NAV1: variants seen among roughly 807,000 people sequenced by gnomAD.
NAV1 encodes neuron navigator 1.
In NAV1, 18 loss-of-function variants were observed where a neutral mutation model predicts 175.2. That is an observed-to-expected ratio of 0.10 (90% CI 0.07 to 0.15). NAV1 has a LOEUF of 0.15. NAV1 is among the 10% of genes least tolerant of loss of function. The pLI, the probability that NAV1 is intolerant of heterozygous loss-of-function variation, is 1.00. For synonymous variants in NAV1, 897 were observed against 978.7 expected, an observed-to-expected ratio of 0.92 and a Z score of 1.56; for missense variants, 1,731 against 2,436.6, an observed-to-expected ratio of 0.71 and a Z score of 6.10.
At chr1:201,604,724 G>A (rs4915239) in intron 2 of NAV1, among the ~76,000 whole-genome samples, 76 of 144,198 alleles carry the variant, frequency 5.3e-4, no homozygotes, top group African/African-American at 1.9e-3. Flanking sequence ...AGGAAAGAAA[G>A]AGAAAGAAAG....
At chr1:201,634,895 A>T (rs955006788) in intron 2 of NAV1, among the ~76,000 whole-genome samples, 3 of 152,142 alleles carry the variant, frequency 2.0e-5, no homozygotes, top group Non-Finnish European at 4.4e-5. Flanking sequence ...TGCTCTCCAG[A>T]TCCTGATTGT....
rs550245699 is a variant in NAV1 at position 201,625,276 on chromosome 1, G to A, written c.-101+1670G>A. ...CAAATATTTGAAGGGCTGTCATGTT[G>A]TAAGATGAATTAGATTTACTTGGTG... On this transcript the variant is annotated intron_variant, in intron 1 of 29. Transcript: ENST00000367302. Among the ~76,000 whole-genome samples, 7 of 152,344 alleles carry A rather than the reference G, an allele frequency of 4.6e-5. 1 individual carries two copies. Among genetic ancestry groups the A allele is most frequent in the African/African-American group, 1.7e-4 (7 of 41,576 alleles).
chr1:201,783,902 C>T (rs1040473230), intron 7 of NAV1, 50 bp downstream of exon 11: 3 of 1,515,252 alleles, frequency 2.0e-6, no homozygotes, highest in Non-Finnish European at 1.8e-6. Context: ...GTCTTGGGCT[C>T]ATTTTGCCAT....
At chr1:201,697,885 C>T (rs1671255192) in intron 1 of NAV1, among the ~76,000 whole-genome samples, 2 of 152,208 alleles carry the variant, frequency 1.3e-5, no homozygotes, top group Admixed American at 1.3e-4. Context: ...CAGGTCTCTG[C>T]CCTTCAGGAG....
chr1:201,792,129 G>A (rs78774107), intron 13 of NAV1: 2 of 151,994 alleles, frequency 1.3e-5, no homozygotes, highest in Non-Finnish European at 2.9e-5. Context: ...ATTTGGCTAA[G>A]AGAGAACAAA....
intron 15 of NAV1, among the ~76,000 whole-genome samples, chr1:201,799,727 G>T (rs2102774946): frequency 6.6e-6 from 1 of 152,126 alleles, no homozygotes; most frequent in African/African-American, 2.4e-5. Flanking sequence ...GTTCATGGTG[G>T]CAGATGCCTG....
At chr1:201,721,882 G>T (rs757893413) in intron 3 of NAV1, among the ~76,000 whole-genome samples, 1 of 152,158 alleles carries the variant, frequency 6.6e-6, no homozygotes, top group East Asian at 1.9e-4. Flanking sequence ...TCCCTTTGAC[G>T]GCTCTTCCCA....
chr1:201,666,249 A>G (rs1440335500), intron 1 of NAV1, among the ~76,000 whole-genome samples: 4 of 152,164 alleles, frequency 2.6e-5, no homozygotes, highest in African/African-American at 4.8e-5. Flanking sequence ...CTTGGCTCCC[A>G]TATGTTCAGG....
chr1:201,781,273 A>T (rs1328466283), exon 5 of NAV1: 1 of 1,613,702 alleles, frequency 6.2e-7, no homozygotes, highest in Admixed American at 1.7e-5. Flanking sequence ...AACTTCCCCC[A>T]TCACTCACAC....
intron 3 of NAV1, among the ~76,000 whole-genome samples, chr1:201,772,988 A>G (rs646644): frequency 1 from 150,381 of 150,660 alleles, 75,051 homozygotes; most frequent in Middle Eastern, 1. Context: ...AGCCGAGATC[A>G]TGCCACTGTA....
At chr1:201,773,881 C>G (rs1675759238) in intron 3 of NAV1, among the ~76,000 whole-genome samples, 1 of 152,200 alleles carries the variant, frequency 6.6e-6, no homozygotes, top group Non-Finnish European at 1.5e-5. Flanking sequence ...ATATCTGACT[C>G]AATCTCTCAT....
intron 4 of NAV1, 128 bp downstream of exon 8, chr1:201,780,687 G>A: frequency 7.8e-7 from 1 of 1,281,438 alleles, no homozygotes; most frequent in Non-Finnish European, 1.1e-6. Context: ...CCTTTGGCCA[G>A]GTCATTTTAG....
intron 1 of NAV1, among the ~76,000 whole-genome samples, chr1:201,654,292 TCA>T (rs1471759835): frequency 2.0e-5 from 3 of 152,138 alleles, no homozygotes; most frequent in Non-Finnish European, 4.4e-5. Flanking sequence ...CAGGACCAAG[TCA>T]CCTGGAGTCC....
At chr1:201,617,268 C>T (rs1011562381) in intron 2 of NAV1, among the ~76,000 whole-genome samples, 2 of 151,862 alleles carry the variant, frequency 1.3e-5, no homozygotes, top group Non-Finnish European at 2.9e-5. Flanking sequence ...CACACATAAA[C>T]ACACACACAC....
At chr1:201,664,296 C>G (rs377510081) in intron 1 of NAV1, among the ~76,000 whole-genome samples, 1 of 152,206 alleles carries the variant, frequency 6.6e-6, no homozygotes, top group Admixed American at 6.5e-5. Context: ...GAGCTGAGAT[C>G]GCGTCACTGC....
intron 1 of NAV1, among the ~76,000 whole-genome samples, chr1:201,624,830 A>G (rs1668284382): frequency 2.0e-5 from 3 of 152,168 alleles, no homozygotes; most frequent in Non-Finnish European, 2.9e-5. Context: ...ACTCTCACTT[A>G]TATTTTGGGC....
intron 3 of NAV1, among the ~76,000 whole-genome samples, chr1:201,721,227 G>C (rs986959342): frequency 6.6e-6 from 1 of 152,212 alleles, no homozygotes; most frequent in African/African-American, 2.4e-5. Flanking sequence ...CCTGTAAACT[G>C]TGATGCTAGT....
chr1:201,685,450 C>G (rs992720903), intron 1 of NAV1, among the ~76,000 whole-genome samples: 3 of 152,162 alleles, frequency 2.0e-5, no homozygotes, highest in Non-Finnish European at 4.4e-5. Context: ...CGCACCTTCC[C>G]CCAAGTGATG....
chr1:201,785,834 C>T (rs1007619131), intron 8 of NAV1, among the ~76,000 whole-genome samples: 42 of 140,232 alleles, frequency 3.0e-4, no homozygotes, highest in African/African-American at 1.1e-3. Context: ...GCTCTGTCAC[C>T]CAGGCTGGAG....
Sources: allele counts gnomAD v4.1 joint callset (sites outside exome capture counted in the v4.1 genomes callset), GRCh38; gene constraint gnomAD v4.1.1; transcripts MANE v1.5; gene names NCBI Gene and HGNC (gene_info 2026-07-23, HGNC 2026-07-21).